Variants in CDKL5 observed in about 807,000 individuals in gnomAD.
The protein encoded by CDKL5 is cyclin dependent kinase like 5, also known as cyclin-dependent kinase-like 5.
CDKL5 carries 8 observed loss-of-function variants against 61.7 expected under a neutral mutation model. The observed-to-expected ratio is 0.13, with a 90% CI of 0.08 to 0.23. CDKL5 has a LOEUF of 0.23. Among genes scored for constraint, CDKL5 ranks in the 10% least tolerant of loss-of-function variants. The pLI is 1.00. For synonymous variants in CDKL5, 275 were observed against 272.3 expected, an observed-to-expected ratio of 1.01 and a Z score of -0.10; for missense variants, 440 against 734.5, an observed-to-expected ratio of 0.60 and a Z score of 4.63.
chrX:18,465,945 A>C (rs1206946828), intron 1 of CDKL5, among the ~76,000 whole-genome samples: 1 of 112,133 alleles, frequency 8.9e-6, no homozygotes, highest in Non-Finnish European at 1.9e-5. Flanking sequence ...ATGGTATTAA[A>C]AATTCATTTC....
At chrX:18,579,508 C>G (rs1569213780) in intron 5 of CDKL5, among the ~76,000 whole-genome samples, 1 of 111,174 alleles carries the variant, frequency 9.0e-6, no homozygotes, top group African/African-American at 3.3e-5. Flanking sequence ...TAAAAAGGCT[C>G]TTTCCCCCCT....
chrX:18,462,400 A>ACT (rs1318064571), intron 1 of CDKL5, among the ~76,000 whole-genome samples: 1 of 111,551 alleles, frequency 9.0e-6, no homozygotes, highest in Admixed American at 9.6e-5. Context: ...AGAAATGCAA[A>ACT]CTCTTGGGCT....
At chrX:18,584,128 A>G (rs1400011349) in intron 7 of CDKL5, 135 bp from the exon 8 acceptor site, 1 of 514,164 alleles carries the variant, frequency 1.9e-6, no homozygotes, top group African/African-American at 2.3e-5. Flanking sequence ...GATATTATTA[A>G]TAAATAGCCC....
chrX:18,508,608 A>T (rs987374299), intron 2 of CDKL5, among the ~76,000 whole-genome samples: 1 of 110,466 alleles, frequency 9.1e-6, no homozygotes, highest in Non-Finnish European at 1.9e-5. Flanking sequence ...GTTTTTCTGG[A>T]TCATAACTAG....
At chrX:18,504,946 A>AG (rs1302925526) in intron 1 of CDKL5, among the ~76,000 whole-genome samples, 2 of 110,324 alleles carry the variant, frequency 1.8e-5, no homozygotes, top group Non-Finnish European at 3.8e-5. Flanking sequence ...AAAAAAAAAA[A>AG]AAAGAAAGTT....
chrX:18,623,988 T>A, intron 16 of CDKL5: 1 of 752,442 alleles, frequency 1.3e-6, no homozygotes, highest in African/African-American at 2.3e-5. Flanking sequence ...CTTCCTGTAG[T>A]CACTCCACCC....
chrX:18,426,690 C>G (rs938366394), intron 1 of CDKL5: 1 of 112,363 alleles, frequency 8.9e-6, no homozygotes, highest in Non-Finnish European at 1.9e-5. Flanking sequence ...CGAATGATTT[C>G]TTTCTGTGCA....
At chrX:18,652,102 C>CT (rs1928074102) in intron 21 of CDKL5, among the ~76,000 whole-genome samples, 1 of 111,175 alleles carries the variant, frequency 9.0e-6, no homozygotes, top group African/African-American at 3.3e-5. Flanking sequence ...GCCTGCCTCC[C>CT]TCCCCATTCT....
downstream of CDKL5, among the ~76,000 whole-genome samples, chrX:18,642,970 G>A (rs779555478): frequency 2.7e-5 from 3 of 111,165 alleles, no homozygotes; most frequent in Non-Finnish European, 1.9e-5. Flanking sequence ...ACTTGAACCC[G>A]GGAGGCGGAG....
At chrX:18,425,893 C>T (rs1483548739) in intron 1 of CDKL5, among the ~76,000 whole-genome samples, 198 bp downstream of exon 1, 1 of 112,851 alleles carries the variant, frequency 8.9e-6, no homozygotes, top group Non-Finnish European at 1.9e-5. Flanking sequence ...CCTCAGCGCT[C>T]CCCTGCGCCT....
At chrX:18,648,116 C>A (rs752023192) in intron 20 of CDKL5, among the ~76,000 whole-genome samples, 1 of 111,092 alleles carries the variant, frequency 9.0e-6, no homozygotes, top group Non-Finnish European at 1.9e-5. Context: ...GCAGGAGAAT[C>A]GCTTGAACCC....
chrX:18,441,348 G>A (rs895501679), intron 1 of CDKL5, among the ~76,000 whole-genome samples: 1 of 110,658 alleles, frequency 9.0e-6, no homozygotes, highest in Non-Finnish European at 1.9e-5. Context: ...CCAGGAGGTC[G>A]AGGCTGCAGT....
intron 3 of CDKL5, among the ~76,000 whole-genome samples, chrX:18,525,832 C>T (rs753803126): frequency 1.9e-5 from 2 of 107,073 alleles, no homozygotes; most frequent in Admixed American, 2.0e-4. Context: ...CTGCAACCTC[C>T]GCCTCCTGGG....
intron 3 of CDKL5, among the ~76,000 whole-genome samples, chrX:18,537,702 C>T (rs368861216): frequency 1.8e-5 from 2 of 112,047 alleles, no homozygotes; most frequent in African/African-American, 6.5e-5. Context: ...CTAATGTGTA[C>T]TTCATCTCTA....
chrX:18,590,810 GA>G (rs1925802585), intron 9 of CDKL5, among the ~76,000 whole-genome samples: 1 of 111,599 alleles, frequency 9.0e-6, no homozygotes, highest in South Asian at 3.7e-4. Flanking sequence ...CTAGAAGAAA[GA>G]AAAATCTATT....
chrX:18,526,847 G>A (rs1185664315), intron 3 of CDKL5, among the ~76,000 whole-genome samples: 1 of 108,796 alleles, frequency 9.2e-6, no homozygotes, highest in Non-Finnish European at 1.9e-5. Flanking sequence ...GCAATGGTGC[G>A]ATCTCAGCTC....
intron 4 of CDKL5, among the ~76,000 whole-genome samples, chrX:18,567,707 CCT>C (rs1322030325): frequency 9.0e-6 from 1 of 111,249 alleles, no homozygotes; most frequent in Non-Finnish European, 1.9e-5. Context: ...ATGGCGAGAC[CCT>C]GTTTCTACAA....
rs1241623214 is a variant in CDKL5, at chrX:18,604,516, C to T, written c.1592C>T (p.Thr531Ile). The T allele has an allele frequency of 3.3e-6, 4 of 1,209,797 alleles. No individual in the cohort carries two copies. Among genetic ancestry groups the T allele is most frequent in the African/African-American group, 1.8e-5 (1 of 57,078 alleles). Residue 531 changes from threonine to isoleucine, a missense_variant, in exon 12 of 18, where the codon ACC becomes ATC. Coordinates refer to ENST00000623535, the MANE Select transcript of CDKL5 (RefSeq NM_001323289.2). ...CLDLNSPTSP[T>I]PTRHSDTRTL... is the part of the protein sequence containing the mutation. ...GACTTGAATTCTCCCACCAGCCCAA[C>T]CCCCACCAGACACAGTGACACGAGA...
intron 1 of CDKL5, among the ~76,000 whole-genome samples, chrX:18,486,158 AT>A (rs1244275591): frequency 3.6e-5 from 4 of 110,521 alleles, no homozygotes; most frequent in South Asian, 3.8e-4. Flanking sequence ...CCGAACACTC[AT>A]TTTTTTTGCC....
Sources: allele counts gnomAD v4.1 joint callset (sites outside exome capture counted in the v4.1 genomes callset), GRCh38; gene constraint gnomAD v4.1.1; transcripts MANE v1.5; gene names NCBI Gene and HGNC (gene_info 2026-07-23, HGNC 2026-07-21).